Variants in GPR89A observed in about 807,000 individuals in gnomAD.
The protein encoded by GPR89A is golgi pH regulator A.
A neutral mutation model predicts 52.0 loss-of-function variants in GPR89A; 16 were observed. The ratio of observed to expected loss-of-function variants is 0.31; its 90% CI spans 0.21 to 0.47. The LOEUF is 0.47. Ranked by LOEUF, GPR89A falls within the 20% of genes least tolerant of loss-of-function variation. GPR89A has a pLI of 1.00. For missense variants in GPR89A, 135 were observed against 449.4 expected (o/e 0.30, Z 6.33); for synonymous variants, 55 against 150.9 (o/e 0.36, Z 4.66).
intron 1 of GPR89A, among the ~76,000 whole-genome samples, chr1:145,613,854 A>C (rs1553686561): frequency 6.6e-6 from 1 of 151,694 alleles, no homozygotes; most frequent in Non-Finnish European, 1.5e-5. Context: ...TGACATGCTC[A>C]CAGCTCACTA....
chr1:145,643,715 G>C (rs1345169538), intron 7 of GPR89A, among the ~76,000 whole-genome samples, 154 bp from the exon 8 acceptor site: 1 of 140,798 alleles, frequency 7.1e-6, no homozygotes, highest in Non-Finnish European at 1.5e-5. Flanking sequence ...TTTCCCTTCA[G>C]TTGTAAGTAG....
At chr1:145,637,612 T>C (rs1650339034) in intron 7 of GPR89A, among the ~76,000 whole-genome samples, 1 of 149,598 alleles carries the variant, frequency 6.7e-6, no homozygotes, top group African/African-American at 2.4e-5. Flanking sequence ...TGACCAATGT[T>C]CAAGATAAAA....
intron 12 of GPR89A, among the ~76,000 whole-genome samples, chr1:145,666,442 C>T (rs1395877005): frequency 1.3e-5 from 2 of 152,138 alleles, no homozygotes; most frequent in Non-Finnish European, 2.9e-5. Context: ...TTCAACATTT[C>T]ATTATAATGC....
intron 10 of GPR89A, among the ~76,000 whole-genome samples, chr1:145,656,195 G>A (rs587753976): frequency 3.3e-5 from 5 of 152,250 alleles, no homozygotes; most frequent in African/African-American, 7.2e-5. Context: ...GAACTTGGTC[G>A]TCTTAGGCAA....
chr1:145,645,151 T>G (rs1403144852), intron 8 of GPR89A: 2 of 158,182 alleles, frequency 1.3e-5, no homozygotes, highest in African/African-American at 2.4e-5. Flanking sequence ...AGAAATAAAA[T>G]GATGAGTAGA....
chr1:145,635,594 G>A (rs1481302356), intron 7 of GPR89A, among the ~76,000 whole-genome samples: 2 of 152,192 alleles, frequency 1.3e-5, no homozygotes, highest in Non-Finnish European at 2.9e-5. Context: ...TTATTCAAAA[G>A]TGAAAGATTT....
intron 7 of GPR89A, among the ~76,000 whole-genome samples, chr1:145,639,356 T>G (rs782534429): frequency 6.6e-6 from 1 of 152,038 alleles, no homozygotes; most frequent in Non-Finnish European, 1.5e-5. Flanking sequence ...TGAGAGGAAT[T>G]CCTCTACCTG....
At chr1:145,663,750 A>G (rs1321857491) in intron 11 of GPR89A, among the ~76,000 whole-genome samples, 1 of 152,112 alleles carries the variant, frequency 6.6e-6, no homozygotes, top group Non-Finnish European at 1.5e-5. Flanking sequence ...TCTCCCCACC[A>G]AAGTATTCAA....
rs1479485892 is a variant in GPR89A, at chr1:145,639,989, G to A, written c.618-3880G>A. 8.7e-4 allele frequency among the ~76,000 whole-genome samples: 132 copies of A among 151,988 alleles called. 1 individual carries two copies. Among genetic ancestry groups the A allele is most frequent in the African/African-American group, 3.1e-3 (129 of 41,392 alleles). ...TCCCAGCACTTTGGGAAGCCAAGGC[G>A]GACGGATCACTTAAGGTCAGGAGTT... is the stretch of plus-strand genomic sequence containing the variant. On this transcript the variant is annotated intron_variant, in intron 7 of 13. Coordinates refer to ENST00000313835, the MANE Select transcript of GPR89A (RefSeq NM_001097612.2).
intron 3 of GPR89A, among the ~76,000 whole-genome samples, chr1:145,619,575 C>G (rs2101743677): frequency 6.6e-6 from 1 of 151,980 alleles, no homozygotes; most frequent in Admixed American, 6.5e-5. Context: ...GATCACTGGA[C>G]AAGACAATGA....
intron 8 of GPR89A, 99 bp from the exon 9 acceptor site, chr1:145,646,085 C>T: frequency 6.3e-7 from 1 of 1,582,048 alleles, no homozygotes; most frequent in Non-Finnish European, 8.7e-7. Flanking sequence ...ATAGGCAACT[C>T]CGGGAATCCA....
chr1:145,641,505 G>T (rs1165692967), intron 7 of GPR89A, among the ~76,000 whole-genome samples: 1 of 150,684 alleles, frequency 6.6e-6, no homozygotes, highest in Admixed American at 6.6e-5. Context: ...AGGGTACATG[G>T]AATCTCTGCA....
rs782231738 is a variant in GPR89A, at chr1:145,623,677, A to G, written c.378A>G (p.Lys126=). 6.3e-7 allele frequency: 1 copy of G among 1,578,208 alleles called. No homozygotes were observed. The highest frequency in any genetic ancestry group is 8.5e-7 in the Non-Finnish European group (1 of 1,169,876). The change falls in exon 5 of 14, where the codon AAA becomes AAG. Residue 126 remains lysine (K), a synonymous_variant. Transcript: ENST00000313835. ...LWLTFMYFFW[K]LGDPFPILSP... ...TGACCTTTATGTATTTCTTCTGGAA[A>G]CTAGGAGATCCCTTTCCCATTCTCA...
At chr1:145,658,732 C>G (rs1184861889) in intron 10 of GPR89A, among the ~76,000 whole-genome samples, 1 of 151,264 alleles carries the variant, frequency 6.6e-6, no homozygotes, top group Non-Finnish European at 1.5e-5. Context: ...ATTGTTTCTA[C>G]TTTTGGGCCA....
At chr1:145,646,116 A>G (rs1553692482) in intron 8 of GPR89A, 68 bp from the exon 9 acceptor site, 4 of 1,612,708 alleles carry the variant, frequency 2.5e-6, no homozygotes, top group African/African-American at 1.3e-5. Context: ...AACCAAAAGT[A>G]TATGCTTTCT....
At chr1:145,663,217 G>C in intron 10 of GPR89A, 112 bp from the exon 11 acceptor site, 1 of 1,572,226 alleles carries the variant, frequency 6.4e-7, no homozygotes, top group Non-Finnish European at 8.6e-7. Flanking sequence ...GCATTTTTAG[G>C]AACATTGACC....
intron 7 of GPR89A, among the ~76,000 whole-genome samples, chr1:145,639,384 A>G (rs1241292136): frequency 6.6e-6 from 1 of 152,168 alleles, no homozygotes; most frequent in Non-Finnish European, 1.5e-5. Context: ...AACATATTAT[A>G]TAGCTACAGT....
chr1:145,660,121 C>T (rs1226141604), intron 10 of GPR89A, among the ~76,000 whole-genome samples: 1 of 151,502 alleles, frequency 6.6e-6, no homozygotes, highest in Non-Finnish European at 1.5e-5. Context: ...ACATTGGCAC[C>T]GAACAGAGCC....
At chr1:145,614,828 G>C (rs1222152790) in intron 1 of GPR89A, among the ~76,000 whole-genome samples, 2 of 150,634 alleles carry the variant, frequency 1.3e-5, no homozygotes, top group African/African-American at 4.9e-5. Flanking sequence ...TCCTTTCAGA[G>C]GACATCTACA....
Sources: allele counts gnomAD v4.1 joint callset (sites outside exome capture counted in the v4.1 genomes callset), GRCh38; gene constraint gnomAD v4.1.1; transcripts MANE v1.5; gene names NCBI Gene and HGNC (gene_info 2026-07-23, HGNC 2026-07-21).